Variants in ARHGAP10 observed in about 807,000 individuals in gnomAD.
The protein encoded by ARHGAP10 is Rho GTPase activating protein 10, also known as rho GTPase-activating protein 10.
A neutral mutation model predicts 108.6 loss-of-function variants in ARHGAP10; 87 were observed. That is an observed-to-expected ratio of 0.80 (90% CI 0.67 to 0.96). ARHGAP10 has a LOEUF of 0.96. Ranked by LOEUF, ARHGAP10 falls within the 40% of genes least tolerant of loss-of-function variation. The pLI, the probability that ARHGAP10 is intolerant of heterozygous loss-of-function variation, is 0.00. For synonymous variants in ARHGAP10, 347 were observed against 341.1 expected, an observed-to-expected ratio of 1.02 and a Z score of -0.19; for missense variants, 939 against 954.5, an observed-to-expected ratio of 0.98 and a Z score of 0.21.
chr4:147,852,721 T>C (rs1001166436), intron 4 of ARHGAP10, among the ~76,000 whole-genome samples: 17 of 36,552 alleles, frequency 4.7e-4, no homozygotes, highest in Non-Finnish European at 2.3e-4. Context: ...TTTTTTTTTT[T>C]TTTTTTTTTA....
At chr4:147,889,821 T>C (rs1192454841) in intron 10 of ARHGAP10, among the ~76,000 whole-genome samples, 1 of 152,214 alleles carries the variant, frequency 6.6e-6, no homozygotes, top group Admixed American at 6.5e-5. Flanking sequence ...CAAGAGCTTT[T>C]ACTTATTTGT....
intron 10 of ARHGAP10, among the ~76,000 whole-genome samples, chr4:147,900,831 A>ACAG (rs950161043): frequency 5.5e-4 from 83 of 151,582 alleles, no homozygotes; most frequent in Non-Finnish European, 8.0e-4. Flanking sequence ...AACAACAACA[A>ACAG]CAACAACAAC....
intron 18 of ARHGAP10, among the ~76,000 whole-genome samples, chr4:148,022,071 T>C (rs938396476): frequency 1.3e-5 from 2 of 152,358 alleles, no homozygotes; most frequent in East Asian, 1.9e-4. Context: ...GTAAGTGATA[T>C]ACCCTCACTT....
At chr4:147,768,075 A>G (rs1277561204) in intron 1 of ARHGAP10, among the ~76,000 whole-genome samples, 1 of 152,238 alleles carries the variant, frequency 6.6e-6, no homozygotes, top group Admixed American at 6.5e-5. Flanking sequence ...TTTACACTGA[A>G]TAAATACCTG....
At chr4:147,952,069 T>C in intron 15 of ARHGAP10, among the ~76,000 whole-genome samples, 1 of 152,206 alleles carries the variant, frequency 6.6e-6, no homozygotes, top group East Asian at 1.9e-4. Flanking sequence ...TTCTTCTATG[T>C]TGTAGCACAT....
chr4:147,912,548 A>AATATATATATATAT (rs59663731), intron 12 of ARHGAP10, among the ~76,000 whole-genome samples: 1 of 120,334 alleles, frequency 8.3e-6, no homozygotes, highest in Non-Finnish European at 1.6e-5. Context: ...CAAACAAACA[A>AATATATATATATAT]ATATATATAT....
chr4:147,989,383 G>A (rs988552335), intron 18 of ARHGAP10, among the ~76,000 whole-genome samples: 3 of 152,256 alleles, frequency 2.0e-5, no homozygotes, highest in East Asian at 3.9e-4. Context: ...GAGATCAACC[G>A]GTCTGACCAA....
At chr4:148,028,162 C>T (rs1001498379) in intron 19 of ARHGAP10, among the ~76,000 whole-genome samples, 5 of 152,078 alleles carry the variant, frequency 3.3e-5, no homozygotes, top group East Asian at 1.9e-4. Flanking sequence ...TGAGCTGTTT[C>T]GGCAGTTGGG....
chr4:147,916,285 T>G (rs577387823), intron 13 of ARHGAP10, among the ~76,000 whole-genome samples: 1 of 152,354 alleles, frequency 6.6e-6, no homozygotes, highest in South Asian at 2.1e-4. Context: ...CATGTCTTTC[T>G]GTTTTTGATC....
chr4:147,871,082 C>T (rs1325799205), intron 7 of ARHGAP10, among the ~76,000 whole-genome samples: 1 of 152,094 alleles, frequency 6.6e-6, no homozygotes, highest in Non-Finnish European at 1.5e-5. Flanking sequence ...GCCTCAGCCT[C>T]CCGAGTAGCT....
chr4:147,980,724 C>A (rs1015001045), intron 18 of ARHGAP10, among the ~76,000 whole-genome samples: 2 of 152,050 alleles, frequency 1.3e-5, no homozygotes, highest in Admixed American at 1.3e-4. Context: ...ACTCCATTAT[C>A]GGTCTGTTCA....
At chr4:147,757,190 CTTTTTTTT>C (rs763282506) in intron 1 of ARHGAP10, among the ~76,000 whole-genome samples, 1 of 115,624 alleles carries the variant, frequency 8.6e-6, no homozygotes, top group Non-Finnish European at 1.8e-5. Context: ...ACAGTCTAGC[CTTTTTTTT>C]TTTTTTTTTT....
intron 3 of ARHGAP10, among the ~76,000 whole-genome samples, chr4:147,829,303 C>T (rs967188792): frequency 4.6e-5 from 7 of 151,986 alleles, no homozygotes; most frequent in Non-Finnish European, 8.8e-5. Flanking sequence ...CTTCCTGCCT[C>T]GACCCCCCCA....
intron 13 of ARHGAP10, among the ~76,000 whole-genome samples, chr4:147,921,161 G>C (rs1737216350): frequency 6.6e-6 from 1 of 152,224 alleles, no homozygotes; most frequent in African/African-American, 2.4e-5. Flanking sequence ...ACAGCCGAAT[G>C]ATTTTGCTGA....
chr4:147,769,900 A>G (rs1047109988), intron 1 of ARHGAP10, among the ~76,000 whole-genome samples: 3 of 152,242 alleles, frequency 2.0e-5, no homozygotes, highest in Admixed American at 6.5e-5. Context: ...ACTTTTCTCT[A>G]GCAGTGGAAT....
At chr4:147,943,438 C>T (rs1290303304) in intron 14 of ARHGAP10, among the ~76,000 whole-genome samples, 2 of 152,204 alleles carry the variant, frequency 1.3e-5, no homozygotes, top group Non-Finnish European at 2.9e-5. Context: ...TTTCAAAATT[C>T]ATCCATTCAC....
rs1266320416 is a variant in ARHGAP10, at chr4:147,784,718, T to G, written c.155-38009T>G. Reference sequence around the variant, plus strand: ...TATTATAAAATATATATTATAAATATAATATATTATAAAATATATATTATA... The same window carrying G: ...TATTATAAAATATATATTATAAATAGAATATATTATAAAATATATATTATA... On this transcript the variant is annotated intron_variant, in intron 1 of 22. Transcript: ENST00000336498. 3.9e-4 allele frequency among the ~76,000 whole-genome samples: 23 copies of G among 59,122 alleles called. 4 individuals are homozygous for G. The South Asian group carries it at 0.013, about 34-fold the overall frequency. The allele number at this position is 59,122 out of a possible 152,430, so 38.8% of individuals were successfully genotyped here.
intron 19 of ARHGAP10, among the ~76,000 whole-genome samples, chr4:148,045,390 TG>T (rs1226062469): frequency 1.3e-5 from 2 of 152,188 alleles, no homozygotes; most frequent in East Asian, 3.9e-4. Flanking sequence ...CCCTGGAGTC[TG>T]GGGAGCTAGC....
intron 18 of ARHGAP10, among the ~76,000 whole-genome samples, chr4:147,993,800 A>G (rs1167091429): frequency 6.6e-6 from 1 of 152,258 alleles, no homozygotes; most frequent in African/African-American, 2.4e-5. Flanking sequence ...AATGGATATA[A>G]TTATGAAATA....
Sources: allele counts gnomAD v4.1 joint callset (sites outside exome capture counted in the v4.1 genomes callset), GRCh38; gene constraint gnomAD v4.1.1; transcripts MANE v1.5; gene names NCBI Gene and HGNC (gene_info 2026-07-23, HGNC 2026-07-21).